ANKHD1: variants seen among roughly 807,000 people sequenced by gnomAD.
ANKHD1 encodes the protein ankyrin repeat and KH domain-containing protein 1.
ANKHD1 carries 31 observed loss-of-function variants against 230.5 expected under a neutral mutation model. The observed-to-expected ratio is 0.13, with a 90% CI of 0.10 to 0.18. The LOEUF is 0.18. ANKHD1 is among the 10% of genes least tolerant of loss of function. The pLI, the probability that ANKHD1 is intolerant of heterozygous loss-of-function variation, is 1.00. For missense variants in ANKHD1, 2,256 were observed against 3,071.3 expected, an observed-to-expected ratio of 0.73 and a Z score of 6.27; for synonymous variants, 1,074 against 1,117.6, an observed-to-expected ratio of 0.96 and a Z score of 0.78.
rs1752523987 is a variant in ANKHD1, at chr5:140,506,105, T to G, written c.3408+236T>G. ...AGCCTCCCAAGTAGCTAGGGCTGTT[T>G]TGTAGAGATGGGGTCATGTAATGTT... On this transcript the variant is annotated intron_variant, in intron 18 of 33. Coordinates refer to ENST00000360839, the MANE Select transcript of ANKHD1 (RefSeq NM_017747.3). The surrounding 1 kb of genome is among the most constrained non-coding windows in gnomAD (Gnocchi z 4.7). Among the ~76,000 whole-genome samples the G allele has an allele frequency of 6.6e-6, 1 of 152,050 alleles. No homozygotes were observed. Among genetic ancestry groups the G allele is most frequent in the Non-Finnish European group, 1.5e-5 (1 of 67,988 alleles).
chr5:140,454,136 G>A (rs575280458), intron 7 of ANKHD1, among the ~76,000 whole-genome samples: 159 of 152,190 alleles, frequency 1.0e-3, no homozygotes, highest in Middle Eastern at 6.8e-3. Context: ...AATGGTAAAG[G>A]GATCAATTCA....
intron 10 of ANKHD1, among the ~76,000 whole-genome samples, chr5:140,479,302 T>A (rs1354667960): frequency 6.6e-6 from 1 of 152,022 alleles, no homozygotes; most frequent in African/African-American, 2.4e-5. Flanking sequence ...CCAGCCGAAA[T>A]GGATGCTTTC....
chr5:140,401,865 G>A lies in ANKHD1; in HGVS notation c.-103G>A, dbSNP rs943707112. ...AGTTAGTGGCGCTGCTGGGACGGGG[G>A]AAAGGAGACGCTTCTTCCTCTTGCT... On this transcript the variant is annotated 5_prime_UTR_variant, in exon 1 of 34. Coordinates refer to ENST00000360839, the MANE Select transcript of ANKHD1 (RefSeq NM_017747.3). 2 of 1,429,180 alleles carry A rather than the reference G, an allele frequency of 1.4e-6. No individual in the cohort carries two copies. The highest frequency in any genetic ancestry group is 1.5e-5 in the South Asian group (1 of 65,352). The allele number at this position is 1,429,180 out of a possible 1,614,324, so 88.5% of individuals were successfully genotyped here. A position where few individuals can be genotyped will look rare whatever the true frequency, so the allele number is the denominator to read the frequency against.
rs1234269386 is a variant in ANKHD1 at position 140,485,327 on chromosome 5, C to T, written c.1998+79C>T. The T allele has an allele frequency of 3.0e-5, 45 of 1,492,804 alleles. 1 individual carries two copies. Among genetic ancestry groups the T allele is most frequent in the Admixed American group, 2.0e-4 (9 of 44,902 alleles). 92.5% of individuals were successfully genotyped at this position (1,492,804 alleles called of 1,614,324 possible). ...ATCCCAGCACTTTAGAAAGCTGAGG[C>T]GGGTGGATCACTTGAGCCCAGGAGT... On this transcript the variant is annotated intron_variant, in intron 12 of 33. Transcript: ENST00000360839. The surrounding 1 kb of genome is among the most constrained non-coding windows in gnomAD (Gnocchi z 4.8).
At chr5:140,530,005 A>T (rs1041797350) in intron 29 of ANKHD1, among the ~76,000 whole-genome samples, 3 of 151,842 alleles carry the variant, frequency 2.0e-5, no homozygotes, top group Non-Finnish European at 4.4e-5. Context: ...TCATATTAAT[A>T]AAAAAAACTC....
chr5:140,509,244 G>GA (rs1752662376), intron 20 of ANKHD1, among the ~76,000 whole-genome samples: 1 of 152,060 alleles, frequency 6.6e-6, no homozygotes, highest in South Asian at 2.1e-4. Flanking sequence ...AATGTCCTTT[G>GA]AAAAAATGTT....
In ANKHD1 at chr5:140,527,777, A is replaced by G. The variant is rs1008929660; in HGVS notation, c.5088-96A>G. 27 of 1,322,294 alleles carry G rather than the reference A, an allele frequency of 2.0e-5. No homozygotes were observed. The highest frequency in any genetic ancestry group is 2.5e-5 in the Non-Finnish European group (25 of 1,015,498). 81.9% of individuals were successfully genotyped at this position (1,322,294 alleles called of 1,614,324 possible). ...TCCTCTTTAGCATTTAAGAAATGTT[A>G]TTCTCCAAAATGTCCATGAACATAC... On this transcript the variant is annotated intron_variant, in intron 27 of 33. Transcript: ENST00000360839. The surrounding 1 kb of genome is among the most constrained non-coding windows in gnomAD (Gnocchi z 4.5).
Position 140,528,087 on chromosome 5 carries a change from G to T in ANKHD1, c.5237+65G>T, listed in dbSNP as rs140207611. The T allele has an allele frequency of 3.0e-4, 475 of 1,581,770 alleles. No homozygotes were observed. In the East Asian group the frequency reaches 9.4e-3, roughly 31 times the overall value. On this transcript the variant is annotated intron_variant, in intron 28 of 33. Coordinates refer to ENST00000360839, the MANE Select transcript of ANKHD1 (RefSeq NM_017747.3). ...ATTATAAGAAGCATACCTTTGTCAG[G>T]TATGGTATAATTAAGAACTTTATTT...
At chr5:140,511,598 C>T (rs1752772806) in intron 22 of ANKHD1, among the ~76,000 whole-genome samples, 1 of 152,206 alleles carries the variant, frequency 6.6e-6, no homozygotes, top group African/African-American at 2.4e-5. Context: ...ATGCCTGTCT[C>T]GCCAACTAGA....
At chr5:140,503,000 T>C (rs1752371018) in intron 15 of ANKHD1, among the ~76,000 whole-genome samples, 1 of 152,184 alleles carries the variant, frequency 6.6e-6, no homozygotes. Flanking sequence ...CATGTAGAAA[T>C]ATATCTGGGC....
chr5:140,471,237 T>C (rs1219235195), intron 10 of ANKHD1, among the ~76,000 whole-genome samples: 1 of 152,196 alleles, frequency 6.6e-6, no homozygotes, highest in Non-Finnish European at 1.5e-5. Context: ...AGTCTTTTGT[T>C]TTATCACTTT....
chr5:140,536,878 A>G (rs1754107426), intron 30 of ANKHD1, among the ~76,000 whole-genome samples: 1 of 152,062 alleles, frequency 6.6e-6, no homozygotes, highest in African/African-American at 2.4e-5. Context: ...CAAAATTACC[A>G]GGTGAGGTGG....
Position 140,459,164 on chromosome 5 carries a change from G to A in ANKHD1, c.1481G>A (p.Gly494Glu). Residue 494 changes from glycine to glutamate, a missense_variant and splice_region_variant, in exon 9 of 34, where the codon GGA (glycine) becomes GAA (glutamate). Around this residue, in one of 13 missense-constraint regions of ANKHD1, gnomAD observed 179 missense variants for 261.8 expected, o/e 0.68. Coordinates refer to ENST00000360839, the MANE Select transcript of ANKHD1 (RefSeq NM_017747.3). The stretch of plus-strand genomic sequence containing the variant: ...TTTATCTGTTTTTATACTTTCCTAG[G>A]AGCAAATATAAATGCCCAGACAGAA... ...EEMVALLLAQ[G>E]ANINAQTEET... is the part of the protein sequence containing the mutation. 2 of 1,577,052 alleles carry A rather than the reference G, an allele frequency of 1.3e-6. No homozygotes were observed. Among genetic ancestry groups the A allele is most frequent in the Non-Finnish European group, 8.6e-7 (1 of 1,159,766 alleles).
intron 24 of ANKHD1, among the ~76,000 whole-genome samples, chr5:140,517,372 A>G (rs1279579883): frequency 1.2e-4 from 18 of 149,688 alleles, no homozygotes; most frequent in African/African-American, 4.4e-4. Context: ...TCAACATTAG[A>G]CAGATCAACG....
chr5:140,510,305 C>T (rs1401613778), intron 22 of ANKHD1, 124 bp downstream of exon 22: 15 of 852,386 alleles, frequency 1.8e-5, no homozygotes, highest in Admixed American at 4.2e-5. Flanking sequence ...GCTATCTTTC[C>T]ATTCTTTTTT....
chr5:140,499,067 T>G (rs998658968), intron 15 of ANKHD1, among the ~76,000 whole-genome samples: 2 of 152,076 alleles, frequency 1.3e-5, no homozygotes, highest in African/African-American at 4.8e-5. Flanking sequence ...TGTACAATAT[T>G]CTTTTATTAA....
intron 15 of ANKHD1, among the ~76,000 whole-genome samples, chr5:140,503,249 T>G (rs1581346783): frequency 6.6e-6 from 1 of 152,190 alleles, no homozygotes; most frequent in East Asian, 1.9e-4. Context: ...TTTTTGTATA[T>G]TATTACTGAT....
At chr5:140,472,840 A>G (rs1233173738) in intron 10 of ANKHD1, among the ~76,000 whole-genome samples, 1 of 152,072 alleles carries the variant, frequency 6.6e-6, no homozygotes, top group African/African-American at 2.4e-5. Context: ...GAAGGTGAAT[A>G]TTTTTTCATA....
At chr5:140,421,106 C>T (rs370009835) in intron 1 of ANKHD1, among the ~76,000 whole-genome samples, 1 of 151,974 alleles carries the variant, frequency 6.6e-6, no homozygotes, top group African/African-American at 2.4e-5. Context: ...CTGTGCATCC[C>T]CTCTCTCACA....
Sources: allele counts gnomAD v4.1 joint callset (sites outside exome capture counted in the v4.1 genomes callset), GRCh38; gene constraint gnomAD v4.1.1; regional missense constraint gnomAD v4.1.1; non-coding constraint Gnocchi (gnomAD v3.1); transcripts MANE v1.5; gene names NCBI Gene and HGNC (gene_info 2026-07-23, HGNC 2026-07-21).